Variants in KCNH5 observed in about 807,000 individuals in gnomAD.
The protein encoded by KCNH5 is voltage-gated delayed rectifier potassium channel KCNH5.
In KCNH5, 46 loss-of-function variants were observed where a neutral mutation model predicts 96.1. The ratio of observed to expected loss-of-function variants is 0.48; its 90% CI spans 0.38 to 0.61. The LOEUF (loss-of-function observed/expected upper bound fraction) is 0.61. Among genes scored for constraint, KCNH5 ranks in the 20% least tolerant of loss-of-function variants. The probability of loss-of-function intolerance (pLI) is 0.00; values close to 1 mark genes in which losing one functional copy is unlikely to be tolerated. For synonymous variants in KCNH5, 439 were observed against 449.8 expected, an observed-to-expected ratio of 0.98 and a Z score of 0.30; for missense variants, 907 against 1,225.8, an observed-to-expected ratio of 0.74 and a Z score of 3.88.
intron 10 of KCNH5, chr14:62,712,582 C>T (rs1039165522): frequency 5.6e-6 from 4 of 717,514 alleles, no homozygotes; most frequent in African/African-American, 1.7e-5. Context: ...TCTCCTGCTC[C>T]TCAAGGTAAC....
chr14:62,806,297 T>C (rs1172867414), intron 8 of KCNH5, among the ~76,000 whole-genome samples: 1 of 152,148 alleles, frequency 6.6e-6, no homozygotes, highest in African/African-American at 2.4e-5. Flanking sequence ...CATTCATTTA[T>C]TCCTTTACTT....
chr14:62,959,507 C>T (rs1255502), intron 6 of KCNH5, among the ~76,000 whole-genome samples: 31,673 of 151,688 alleles, frequency 0.21, 3,855 homozygotes, highest in Non-Finnish European at 0.28. Context: ...ACACTTTGTG[C>T]TTTGTTAATG....
At chr14:62,799,273 A>C (rs769243740) in intron 9 of KCNH5, among the ~76,000 whole-genome samples, 1 of 152,112 alleles carries the variant, frequency 6.6e-6, no homozygotes, top group Admixed American at 6.6e-5. Flanking sequence ...GGGCAAATCA[A>C]AAGGATTTAA....
chr14:62,912,331 T>C (rs1040387013), intron 7 of KCNH5, among the ~76,000 whole-genome samples: 1 of 152,202 alleles, frequency 6.6e-6, no homozygotes. Context: ...ACTTATACTG[T>C]TTGCTGAGTT....
chr14:62,734,254 C>G (rs1056354650), intron 10 of KCNH5, among the ~76,000 whole-genome samples: 1 of 152,042 alleles, frequency 6.6e-6, no homozygotes, highest in African/African-American at 2.4e-5. Flanking sequence ...AAATGAAAAT[C>G]TGCCTATTCT....
chr14:62,856,074 T>C (rs180753097), intron 7 of KCNH5, among the ~76,000 whole-genome samples: 367 of 152,294 alleles, frequency 2.4e-3, no homozygotes, highest in Non-Finnish European at 4.4e-3. Flanking sequence ...ATAGCCAATC[T>C]AAGCATATAA....
chr14:63,005,661 GT>G (rs1891111223), intron 3 of KCNH5, among the ~76,000 whole-genome samples: 1 of 152,224 alleles, frequency 6.6e-6, no homozygotes, highest in African/African-American at 2.4e-5. Context: ...TGCAAATAAA[GT>G]GAATTAGAAA....
Position 62,981,151 on chromosome 14 carries a change from A to T in KCNH5, c.663T>A (p.Ile221=). The T allele has an allele frequency of 6.2e-7, 1 of 1,614,202 alleles. No homozygotes were observed. The highest frequency in any genetic ancestry group is 1.1e-5 in the South Asian group (1 of 91,080). The stretch of plus-strand genomic sequence containing the variant: ...TGGCGGTGTAGAAGGTAAGAATTAA[A>T]ATCACCCAATCCCAAGTAGTTTTAA... ...CAFKTTWDWV[I]LILTFYTAIM... is the part of the protein sequence containing the mutation. The change falls in exon 6 of 11, where the codon ATT becomes ATA. Residue 221 remains isoleucine (I), a synonymous_variant. Coordinates refer to ENST00000322893, the MANE Select transcript of KCNH5 (RefSeq NM_139318.5).
intron 6 of KCNH5, among the ~76,000 whole-genome samples, chr14:62,962,018 G>GAGATGC (rs913503303): frequency 1.7e-4 from 25 of 151,470 alleles, no homozygotes; most frequent in Admixed American, 1.2e-3. Context: ...GATGGAGATG[G>GAGATGC]AGATGCAGAT....
intron 1 of KCNH5, among the ~76,000 whole-genome samples, chr14:63,022,386 A>G (rs1891445054): frequency 6.6e-6 from 1 of 152,116 alleles, no homozygotes; most frequent in Non-Finnish European, 1.5e-5. Context: ...TGTCTGATTT[A>G]CTCAGAACCT....
intron 7 of KCNH5, among the ~76,000 whole-genome samples, chr14:62,931,431 T>A (rs894181023): frequency 2.6e-5 from 4 of 152,150 alleles, no homozygotes; most frequent in South Asian, 4.1e-4. Flanking sequence ...GACATGTATA[T>A]ACCTCTGTTT....
intron 6 of KCNH5, among the ~76,000 whole-genome samples, chr14:62,973,575 C>T (rs978684283): frequency 6.6e-6 from 1 of 152,166 alleles, no homozygotes; most frequent in African/African-American, 2.4e-5. Flanking sequence ...CAGGACACCA[C>T]ATGCCAGTGC....
chr14:62,755,403 G>C (rs990837856), intron 10 of KCNH5, among the ~76,000 whole-genome samples: 12 of 152,116 alleles, frequency 7.9e-5, no homozygotes, highest in Admixed American at 2.0e-4. Flanking sequence ...TCCAAAACTT[G>C]ATAGACCAAC....
intron 6 of KCNH5, among the ~76,000 whole-genome samples, chr14:62,962,707 A>T (rs2139544972): frequency 6.6e-6 from 1 of 152,316 alleles, no homozygotes; most frequent in East Asian, 1.9e-4. Context: ...CAAATTGTAC[A>T]GACAATAATG....
chr14:62,746,649 C>G (rs1250685296), intron 10 of KCNH5, among the ~76,000 whole-genome samples: 1 of 152,212 alleles, frequency 6.6e-6, no homozygotes, highest in African/African-American at 2.4e-5. Context: ...TGACAGTTCT[C>G]TCTTCCTGTG....
intron 10 of KCNH5, among the ~76,000 whole-genome samples, chr14:62,741,687 G>C (rs1885274301): frequency 6.6e-6 from 1 of 151,988 alleles, no homozygotes; most frequent in Non-Finnish European, 1.5e-5. Context: ...GCTAGTAAAA[G>C]TTGATATTAT....
intron 9 of KCNH5, among the ~76,000 whole-genome samples, chr14:62,799,573 C>CA (rs5809173): frequency 1.7e-3 from 92 of 52,584 alleles, no homozygotes; most frequent in East Asian, 3.8e-3. Flanking sequence ...AACTCCGTCT[C>CA]AAAAAAAAAA....
chr14:63,024,832 A>G (rs994212309), intron 1 of KCNH5, among the ~76,000 whole-genome samples: 5 of 152,126 alleles, frequency 3.3e-5, no homozygotes, highest in African/African-American at 7.2e-5. Context: ...TACTAATTCA[A>G]TCTTTCTCAA....
At chr14:62,879,793 T>C (rs1888456280) in intron 7 of KCNH5, among the ~76,000 whole-genome samples, 1 of 152,176 alleles carries the variant, frequency 6.6e-6, no homozygotes, top group African/African-American at 2.4e-5. Flanking sequence ...TCCATAGAAT[T>C]TGTTTCTTCT....
Sources: gnomAD v4.1 joint callset for allele counts (sites outside exome capture counted in the v4.1 genomes callset) on GRCh38, gnomAD v4.1.1 for gene constraint, MANE v1.5 for transcripts, NCBI Gene and HGNC (gene_info 2026-07-23, HGNC 2026-07-21) for gene names.